The following ADAMTSL1 variants were observed in gnomAD, a reference collection of about 807,000 sequenced individuals.
ADAMTSL1 encodes the protein ADAMTS like 1.
ADAMTSL1 carries 126 observed loss-of-function variants against 201.8 expected under a neutral mutation model. That is an observed-to-expected ratio of 0.62 (90% CI 0.54 to 0.72). ADAMTSL1 has a LOEUF of 0.72. Ranked by LOEUF, ADAMTSL1 falls within the 30% of genes least tolerant of loss-of-function variation. The pLI is 0.00. For synonymous variants in ADAMTSL1, 1,121 were observed against 903.4 expected, an observed-to-expected ratio of 1.24 and a Z score of -4.32; for missense variants, 2,679 against 2,277.8, an observed-to-expected ratio of 1.18 and a Z score of -3.59.
At chr9:18,313,677 C>A (rs1587532873) in intron 2 of ADAMTSL1, among the ~76,000 whole-genome samples, 1 of 152,234 alleles carries the variant, frequency 6.6e-6, no homozygotes, top group East Asian at 1.9e-4. Flanking sequence ...AACTTAAATG[C>A]AACAGTCCTG....
intron 2 of ADAMTSL1, among the ~76,000 whole-genome samples, chr9:18,216,126 A>G (rs1306955928): frequency 6.6e-6 from 1 of 152,208 alleles, no homozygotes; most frequent in East Asian, 1.9e-4. Context: ...CTCTAATAAG[A>G]GAATCCTCAA....
At chr9:18,821,538 G>T (rs891142021) in intron 21 of ADAMTSL1, among the ~76,000 whole-genome samples, 2 of 152,204 alleles carry the variant, frequency 1.3e-5, no homozygotes, top group Non-Finnish European at 2.9e-5. Flanking sequence ...GGATGCTGGG[G>T]AAGGTAGGCT....
intron 24 of ADAMTSL1, among the ~76,000 whole-genome samples, chr9:18,888,961 C>G (rs533956571): frequency 6.6e-6 from 1 of 152,314 alleles, no homozygotes; most frequent in South Asian, 2.1e-4. Context: ...ATTTGCAAGA[C>G]TTGTAATATG....
intron 3 of ADAMTSL1, among the ~76,000 whole-genome samples, chr9:18,552,156 G>C (rs1363335613): frequency 6.6e-6 from 1 of 151,360 alleles, no homozygotes; most frequent in African/African-American, 2.4e-5. Context: ...ACTTATTTTA[G>C]TGTACTTTTT....
intron 2 of ADAMTSL1, among the ~76,000 whole-genome samples, chr9:18,269,703 A>C (rs1255818960): frequency 6.6e-6 from 1 of 152,150 alleles, no homozygotes; most frequent in Non-Finnish European, 1.5e-5. Context: ...TCCTTGGAAA[A>C]GAGTATGGAC....
chr9:18,609,868 C>T (rs965476361), intron 4 of ADAMTSL1, among the ~76,000 whole-genome samples: 18 of 152,134 alleles, frequency 1.2e-4, no homozygotes, highest in South Asian at 2.1e-4. Flanking sequence ...AAGCTATCAC[C>T]TCAAATCCTT....
At chr9:17,933,297 T>C (rs1826871673) in intron 1 of ADAMTSL1, among the ~76,000 whole-genome samples, 1 of 152,076 alleles carries the variant, frequency 6.6e-6, no homozygotes, top group Admixed American at 6.6e-5. Context: ...TTCTCCTCTG[T>C]ATGGGTCAAA....
chr9:18,629,077 A>C (rs1377383674), intron 5 of ADAMTSL1, among the ~76,000 whole-genome samples: 2 of 152,220 alleles, frequency 1.3e-5, no homozygotes, highest in Non-Finnish European at 2.9e-5. Context: ...AGTTCACAGA[A>C]ACATGATTGA....
In ADAMTSL1 at chr9:18,680,434, G is replaced by A. The variant is rs1032056977; in HGVS notation, c.1259G>A (p.Cys420Tyr). The A allele has an allele frequency of 6.2e-7, 1 of 1,614,182 alleles. No homozygotes were observed. Among genetic ancestry groups the A allele is most frequent in the Non-Finnish European group, 8.5e-7 (1 of 1,180,034 alleles). Residue 420 changes from cysteine (C) to tyrosine (Y), a missense_variant, in exon 11 of 29, where the codon TGC becomes TAC. By Grantham distance (194) the Cys-to-Tyr change is radical. Coordinates refer to ENST00000380548, the MANE Select transcript of ADAMTSL1 (RefSeq NM_001040272.6). ...GHVTSVEEWK[C>Y]MYTPKMPIAQ... Reference sequence around the variant, plus strand: ...GTCACTTCAGTGGAAGAGTGGAAATGCATGTACACCCCTAAGATGCCCATC... The same window carrying A: ...GTCACTTCAGTGGAAGAGTGGAAATACATGTACACCCCTAAGATGCCCATC...
intron 2 of ADAMTSL1, among the ~76,000 whole-genome samples, chr9:18,321,654 G>A (rs576276840): frequency 1.3e-5 from 2 of 152,180 alleles, no homozygotes; most frequent in East Asian, 1.9e-4. Context: ...TTAGCCGGGC[G>A]TGGCAACAGG....
rs116272922 is a variant in ADAMTSL1, at chr9:18,315,615, C to T, written c.207+151634C>T. ...TAAGTCCCTCACTGCCCGGGCCGGC[C>T]GCTCTGAGTGCGGGGCCCACCGATC... On this transcript the variant is annotated intron_variant, in intron 2 of 29. Coordinates refer to the ADAMTSL1 transcript ENST00000680146. 3.7e-4 allele frequency among the ~76,000 whole-genome samples: 57 copies of T among 152,210 alleles called. 1 individual carries two copies. The South Asian group carries it at 7.9e-3, about 21-fold the overall frequency.
chr9:18,225,614 C>G (rs1410356355), intron 2 of ADAMTSL1, among the ~76,000 whole-genome samples: 3 of 152,080 alleles, frequency 2.0e-5, no homozygotes, highest in Non-Finnish European at 4.4e-5. Context: ...ACACTGAACT[C>G]TGACTCTTTT....
intron 4 of ADAMTSL1, among the ~76,000 whole-genome samples, chr9:18,574,710 T>A (rs1306526405): frequency 6.6e-6 from 1 of 152,102 alleles, no homozygotes; most frequent in Non-Finnish European, 1.5e-5. Context: ...GAAAACTTGC[T>A]ACTTTACTAT....
At chr9:18,356,604 A>AAC (rs67090987) in intron 2 of ADAMTSL1, among the ~76,000 whole-genome samples, 17,144 of 143,428 alleles carry the variant, frequency 0.12, 1,092 homozygotes, top group African/African-American at 0.17. Flanking sequence ...TACACAATAA[A>AAC]ACACACACAC....
intron 1 of ADAMTSL1, among the ~76,000 whole-genome samples, chr9:18,056,879 A>G (rs989684353): frequency 6.6e-6 from 1 of 151,252 alleles, no homozygotes; most frequent in African/African-American, 2.4e-5. Context: ...CTTTTCATTC[A>G]TCTCCTTTAA....
intron 2 of ADAMTSL1, among the ~76,000 whole-genome samples, chr9:18,345,531 T>C (rs562421530): frequency 6.6e-6 from 1 of 152,316 alleles, no homozygotes; most frequent in South Asian, 2.1e-4. Context: ...AGAATTACTA[T>C]ATTTTATAAA....
intron 5 of ADAMTSL1, among the ~76,000 whole-genome samples, chr9:18,631,929 G>C (rs530133215): frequency 1.3e-5 from 2 of 152,128 alleles, no homozygotes; most frequent in South Asian, 4.1e-4. Context: ...TGATTAATAA[G>C]CTAGAAATAT....
At chr9:18,494,876 C>CA (rs1315751690) in intron 1 of ADAMTSL1, among the ~76,000 whole-genome samples, 2 of 152,122 alleles carry the variant, frequency 1.3e-5, no homozygotes, top group Non-Finnish European at 2.9e-5. Flanking sequence ...GCAGTGGAGC[C>CA]ATAGAAAATC....
At chr9:18,018,537 C>A (rs1480973557) in intron 1 of ADAMTSL1, among the ~76,000 whole-genome samples, 1 of 151,990 alleles carries the variant, frequency 6.6e-6, no homozygotes, top group Non-Finnish European at 1.5e-5. Flanking sequence ...TTGAGTGTTC[C>A]CTCACTCACC....
Sources: allele counts gnomAD v4.1 joint callset (sites outside exome capture counted in the v4.1 genomes callset), GRCh38; gene constraint gnomAD v4.1.1; transcripts MANE v1.5; gene names NCBI Gene and HGNC (gene_info 2026-07-23, HGNC 2026-07-21).